The following VPS13A variants were observed in gnomAD, a reference collection of about 807,000 sequenced individuals.
VPS13A encodes vacuolar protein sorting 13 homolog A.
A neutral mutation model predicts 390.9 loss-of-function variants in VPS13A; 264 were observed. That is an observed-to-expected ratio of 0.68 (90% CI 0.61 to 0.75). VPS13A has a LOEUF of 0.75. VPS13A is among the 30% of genes least tolerant of loss of function. The probability of loss-of-function intolerance (pLI) is 0.00; values close to 1 mark genes in which losing one functional copy is unlikely to be tolerated. For missense variants in VPS13A, 3,409 were observed against 3,733.9 expected (o/e 0.91, Z 2.27); for synonymous variants, 1,231 against 1,227.1 (o/e 1.00, Z -0.07).
At chr9:77,216,629 A>G (rs1033844445) in intron 10 of VPS13A, among the ~76,000 whole-genome samples, 27 of 152,214 alleles carry the variant, frequency 1.8e-4, no homozygotes, top group African/African-American at 6.0e-4. Context: ...GAGCTCTTCA[A>G]TTAAAAAATA....
intron 35 of VPS13A, among the ~76,000 whole-genome samples, chr9:77,311,237 T>G (rs568066829): frequency 5.3e-5 from 8 of 152,236 alleles, no homozygotes; most frequent in Non-Finnish European, 8.8e-5. Flanking sequence ...TTTCACTAAT[T>G]AATATCATAT....
At chr9:77,372,605 A>G (rs1406494111) in intron 67 of VPS13A, among the ~76,000 whole-genome samples, 5 of 152,046 alleles carry the variant, frequency 3.3e-5, no homozygotes, top group South Asian at 2.1e-4. Context: ...CACCACTCCT[A>G]TTCAACATAG....
intron 67 of VPS13A, among the ~76,000 whole-genome samples, chr9:77,379,459 C>T (rs1204237592): frequency 2.0e-5 from 3 of 151,946 alleles, no homozygotes; most frequent in East Asian, 1.9e-4. Flanking sequence ...AGGCTGATCT[C>T]GAACTTCCGA....
chr9:77,276,515 T>G, intron 26 of VPS13A, among the ~76,000 whole-genome samples: 1 of 152,202 alleles, frequency 6.6e-6, no homozygotes, highest in African/African-American at 2.4e-5. Flanking sequence ...GCTATAACAA[T>G]TTACCACAAA....
intron 50 of VPS13A, among the ~76,000 whole-genome samples, chr9:77,341,393 T>G (rs1830799395): frequency 1.3e-5 from 2 of 152,216 alleles, no homozygotes; most frequent in African/African-American, 4.8e-5. Context: ...TCTCTTTGTC[T>G]TTGATGTTCT....
At chr9:77,306,684 C>T (rs1206549127) in intron 34 of VPS13A, among the ~76,000 whole-genome samples, 1 of 151,926 alleles carries the variant, frequency 6.6e-6, no homozygotes. Context: ...ATGAGGTCCA[C>T]CTACATTATG....
chr9:77,301,385 G>A (rs1828342414), intron 33 of VPS13A, among the ~76,000 whole-genome samples: 1 of 152,108 alleles, frequency 6.6e-6, no homozygotes, highest in Non-Finnish European at 1.5e-5. Context: ...TTCCCTATGG[G>A]GCTTTTAGAT....
At chr9:77,205,233 G>A in intron 3 of VPS13A, 80 bp from the exon 4 acceptor site, 1 of 746,352 alleles carries the variant, frequency 1.3e-6, no homozygotes, top group Non-Finnish European at 2.1e-6. Flanking sequence ...TTCAATGCCT[G>A]ACAGAAAATA....
In VPS13A at chr9:77,321,340, A is replaced by C; in HGVS notation, c.5574+13A>C. ...CAATTTAGTCAAGGTAAGAAAAGAA[A>C]TTTGAAACTTTAAATATTGAGATAC... On this transcript the variant is annotated intron_variant, in intron 43 of 71. Transcript: ENST00000360280. 1 of 1,598,144 alleles carries C rather than the reference A, an allele frequency of 6.3e-7. No homozygotes were observed. Among genetic ancestry groups the C allele is most frequent in the South Asian group, 1.1e-5 (1 of 89,880 alleles).
Position 77,341,691 on chromosome 9 carries a change from C to CTTTTTTTTTTTTTTTTTTT in VPS13A, c.7026+1152_7026+1170dup, listed in dbSNP as rs57841628. On this transcript the variant is annotated intron_variant, in intron 50 of 71. Coordinates refer to ENST00000360280, the MANE Select transcript of VPS13A (RefSeq NM_033305.3). Reference sequence around the variant, plus strand: ...AGTAAGTTCTACATGGACATCTTTCCTTTTTTTTTTTTTTTTTTTTTTTTT... The same window carrying CTTTTTTTTTTTTTTTTTTT: ...AGTAAGTTCTACATGGACATCTTTCCTTTTTTTTTTTTTTTTTTTTTTTTTTTTTTTTTTTTTTTTTTTT... Among the ~76,000 whole-genome samples, 57 of 37,836 alleles carry CTTTTTTTTTTTTTTTTTTT rather than the reference C, an allele frequency of 1.5e-3. 12 individuals carry two copies. Among genetic ancestry groups the CTTTTTTTTTTTTTTTTTTT allele is most frequent in the Admixed American group, 2.2e-3 (5 of 2,264 alleles). The allele number at this position is 37,836 out of a possible 152,430, so 24.8% of individuals were successfully genotyped here.
chr9:77,392,726 T>C (rs1245286500), intron 68 of VPS13A, among the ~76,000 whole-genome samples: 1 of 149,076 alleles, frequency 6.7e-6, no homozygotes, highest in Non-Finnish European at 1.5e-5. Flanking sequence ...ATATATACAC[T>C]ATATAAAACT....
At chr9:77,369,078 C>G (rs1832599305) in intron 62 of VPS13A, among the ~76,000 whole-genome samples, 1 of 152,038 alleles carries the variant, frequency 6.6e-6, no homozygotes, top group Non-Finnish European at 1.5e-5. Flanking sequence ...TTGCAGTGAG[C>G]CGAGATGGCG....
intron 53 of VPS13A, among the ~76,000 whole-genome samples, chr9:77,352,134 A>T (rs1021144979): frequency 6.6e-6 from 1 of 152,246 alleles, no homozygotes; most frequent in Non-Finnish European, 1.5e-5. Context: ...TGACAATCAT[A>T]CTAGGTAGAT....
intron 1 of VPS13A, among the ~76,000 whole-genome samples, chr9:77,194,693 A>T (rs1272589938): frequency 6.6e-6 from 1 of 152,182 alleles, no homozygotes; most frequent in Non-Finnish European, 1.5e-5. Context: ...TCCTTTCCCC[A>T]GGAGCATTTG....
At chr9:77,298,242 T>C (rs1828128146) in intron 33 of VPS13A, among the ~76,000 whole-genome samples, 1 of 152,200 alleles carries the variant, frequency 6.6e-6, no homozygotes. Flanking sequence ...GCCTAGGTGA[T>C]GCACATAGGT....
intron 68 of VPS13A, chr9:77,385,079 T>C: frequency 1.0e-6 from 1 of 997,028 alleles, no homozygotes; most frequent in Non-Finnish European, 1.2e-6. Context: ...GTAATGCCAC[T>C]GTGTAAAAAA....
chr9:77,223,198 C>T (rs1404629513), intron 13 of VPS13A, among the ~76,000 whole-genome samples: 3 of 152,044 alleles, frequency 2.0e-5, no homozygotes, highest in African/African-American at 4.8e-5. Flanking sequence ...AAATGTTGTG[C>T]GTGTTCTGAC....
intron 19 of VPS13A, among the ~76,000 whole-genome samples, chr9:77,240,039 T>G (rs1049271530): frequency 6.6e-6 from 1 of 152,070 alleles, no homozygotes; most frequent in African/African-American, 2.4e-5. Context: ...ATGTATATAG[T>G]TCATGGTAGT....
At chr9:77,272,322 T>C (rs1410163706) in intron 23 of VPS13A, among the ~76,000 whole-genome samples, 1 of 152,172 alleles carries the variant, frequency 6.6e-6, no homozygotes. Flanking sequence ...TTGATAGTGC[T>C]CAATAAGGTG....
Sources: allele counts gnomAD v4.1 joint callset (sites outside exome capture counted in the v4.1 genomes callset), GRCh38; gene constraint gnomAD v4.1.1; transcripts MANE v1.5; gene names NCBI Gene and HGNC (gene_info 2026-07-23, HGNC 2026-07-21).